The following PDK1 variants were observed in gnomAD, a reference collection of about 807,000 sequenced individuals.
PDK1 encodes [Pyruvate dehydrogenase (acetyl-transferring)] kinase isozyme 1, mitochondrial.
In PDK1, 39 loss-of-function variants were observed where a neutral mutation model predicts 54.2. The ratio of observed to expected loss-of-function variants is 0.72; its 90% CI spans 0.56 to 0.94. The LOEUF (loss-of-function observed/expected upper bound fraction) is 0.94, where lower values mean the gene tolerates loss of function less well. PDK1 is among the 40% of genes least tolerant of loss of function. The probability of loss-of-function intolerance (pLI) is 0.00; values close to 1 mark genes in which losing one functional copy is unlikely to be tolerated. For synonymous variants in PDK1, 221 were observed against 207.1 expected, an observed-to-expected ratio of 1.07 and a Z score of -0.58; for missense variants, 552 against 566.0, an observed-to-expected ratio of 0.98 and a Z score of 0.25.
At chr2:172,636,304 C>T in the PDK1 span, among the ~76,000 whole-genome samples, 1 of 152,160 alleles carries the variant, frequency 6.6e-6, no homozygotes, top group Non-Finnish European at 1.5e-5. Flanking sequence ...GGGCCTCAGC[C>T]TGCTTTCACT....
intron 8 of PDK1, among the ~76,000 whole-genome samples, chr2:172,572,536 C>G (rs2149238710): frequency 6.6e-6 from 1 of 152,212 alleles, no homozygotes; most frequent in African/African-American, 2.4e-5. Flanking sequence ...ACCAGCCTGG[C>G]CAACATGGTG....
At chr2:172,629,114 G>A in the PDK1 span, among the ~76,000 whole-genome samples, 8 of 152,202 alleles carry the variant, frequency 5.3e-5, no homozygotes, top group East Asian at 1.5e-3. Flanking sequence ...CTGGGCAACA[G>A]AGCAAGACCC....
At chr2:172,652,967 CTACTT>C in the PDK1 span, among the ~76,000 whole-genome samples, 1 of 152,176 alleles carries the variant, frequency 6.6e-6, no homozygotes, top group Non-Finnish European at 1.5e-5. Context: ...TTGGAAAAAA[CTACTT>C]TAAAGTTCAT....
chr2:172,636,093 G>A, the PDK1 span, among the ~76,000 whole-genome samples: 1 of 152,104 alleles, frequency 6.6e-6, no homozygotes, highest in African/African-American at 2.4e-5. Context: ...GCCTCTCCAT[G>A]TCAGCACACA....
the PDK1 span, among the ~76,000 whole-genome samples, chr2:172,689,121 T>C: frequency 6.6e-6 from 1 of 152,194 alleles, no homozygotes; most frequent in East Asian, 1.9e-4. Flanking sequence ...GTCCTGCTGA[T>C]TGGTCCATTT....
chr2:172,655,878 G>A, the PDK1 span, among the ~76,000 whole-genome samples: 12 of 152,286 alleles, frequency 7.9e-5, no homozygotes, highest in Non-Finnish European at 1.0e-4. Context: ...TGGGAGAAGC[G>A]GGTCACACAT....
At chr2:172,576,118 G>T (rs946265734) in intron 8 of PDK1, among the ~76,000 whole-genome samples, 1 of 151,924 alleles carries the variant, frequency 6.6e-6, no homozygotes, top group Admixed American at 6.6e-5. Flanking sequence ...AGTAGAGATG[G>T]GGTTTCACCG....
At chr2:172,582,634 ATTC>A (rs2149265468) in intron 8 of PDK1, among the ~76,000 whole-genome samples, 1 of 152,322 alleles carries the variant, frequency 6.6e-6, no homozygotes, top group East Asian at 1.9e-4. Context: ...CAAAGGTACC[ATTC>A]TTCTTGCCTT....
At position 172,570,752 on chromosome 2, in the gene PDK1, C is replaced by T. The variant is rs1689202292; in HGVS notation, c.873C>T (p.His291=). 1 of 1,609,522 alleles carries T rather than the reference C, an allele frequency of 6.2e-7. No homozygotes were observed. Among genetic ancestry groups the T allele is most frequent in the Non-Finnish European group, 8.5e-7 (1 of 1,176,002 alleles). Residue 291 remains histidine, a synonymous_variant, in exon 8 of 11, where the codon CAC becomes CAT. Coordinates refer to ENST00000282077, the MANE Select transcript of PDK1 (RefSeq NM_002610.5). ...FKNAMRATME[H]HANRGVYPPI... The stretch of plus-strand genomic sequence containing the variant: ...ATGCAATGAGAGCCACTATGGAACA[C>T]CATGCCAACAGAGGTGTTTACCCCC...
the PDK1 span, among the ~76,000 whole-genome samples, chr2:172,656,449 C>T: frequency 2.0e-5 from 3 of 152,148 alleles, no homozygotes; most frequent in Non-Finnish European, 1.5e-5. Flanking sequence ...AGGTCTCCCC[C>T]ATGCTCCTCC....
the PDK1 span, among the ~76,000 whole-genome samples, chr2:172,618,674 G>A: frequency 6.6e-6 from 1 of 152,194 alleles, no homozygotes; most frequent in East Asian, 1.9e-4. Context: ...TGAATTCCCT[G>A]GCAACAAAAT....
chr2:172,680,284 G>T, the PDK1 span, among the ~76,000 whole-genome samples: 1 of 152,092 alleles, frequency 6.6e-6, no homozygotes, highest in Non-Finnish European at 1.5e-5. Context: ...TTCAGTATTT[G>T]GGCATAGTGG....
chr2:172,587,864 A>G (rs896858434), intron 9 of PDK1, among the ~76,000 whole-genome samples: 1 of 152,208 alleles, frequency 6.6e-6, no homozygotes, highest in African/African-American at 2.4e-5. Context: ...GCTAGATACA[A>G]AAGTTCTCCA....
At chr2:172,710,858 C>T in the PDK1 span, among the ~76,000 whole-genome samples, 2 of 152,192 alleles carry the variant, frequency 1.3e-5, no homozygotes, top group African/African-American at 4.8e-5. Context: ...TCGAGTGAGT[C>T]ATTATATCCA....
chr2:172,629,078 C>T, the PDK1 span, among the ~76,000 whole-genome samples: 2 of 152,118 alleles, frequency 1.3e-5, no homozygotes, highest in East Asian at 1.9e-4. Context: ...TGCAGTGAGC[C>T]TTCATCATAC....
the PDK1 span, among the ~76,000 whole-genome samples, chr2:172,616,821 A>G: frequency 2.9e-4 from 44 of 152,372 alleles, no homozygotes; most frequent in African/African-American, 1.0e-3. Flanking sequence ...AGTAGAATGC[A>G]TATTTTCTTT....
chr2:172,638,971 G>A, the PDK1 span, among the ~76,000 whole-genome samples: 25 of 152,100 alleles, frequency 1.6e-4, no homozygotes, highest in Admixed American at 2.6e-4. Context: ...AAAACGTCAC[G>A]ACAAGGTGAG....
chr2:172,704,720 C>T, the PDK1 span, among the ~76,000 whole-genome samples: 2 of 152,148 alleles, frequency 1.3e-5, no homozygotes, highest in Non-Finnish European at 2.9e-5. Flanking sequence ...CAACCAAAAG[C>T]CATATATGTG....
At chr2:172,630,251 T>TTA in the PDK1 span, among the ~76,000 whole-genome samples, 2 of 152,248 alleles carry the variant, frequency 1.3e-5, no homozygotes, top group Non-Finnish European at 2.9e-5. Flanking sequence ...GTAAACCTAT[T>TTA]TATATTCTTG....
Sources: gnomAD v4.1 joint callset for allele counts (sites outside exome capture counted in the v4.1 genomes callset) on GRCh38, gnomAD v4.1.1 for gene constraint, MANE v1.5 for transcripts, NCBI Gene and HGNC (gene_info 2026-07-23, HGNC 2026-07-21) for gene names.